Variants in SDK1 observed in about 807,000 individuals in gnomAD.
SDK1 encodes the protein protein sidekick-1.
Under a neutral mutation model 245.5 loss-of-function variants are expected in SDK1, and 157 were observed. The observed-to-expected ratio is 0.64, with a 90% CI of 0.56 to 0.73. The LOEUF (loss-of-function observed/expected upper bound fraction) is 0.73, where lower values mean the gene tolerates loss of function less well. SDK1 is among the 30% of genes least tolerant of loss of function. SDK1 has a pLI of 0.00. For missense variants in SDK1, 3,583 were observed against 3,002.3 expected (o/e 1.19, Z -4.52); for synonymous variants, 1,647 against 1,278.5 (o/e 1.29, Z -6.15).
intron 1 of SDK1, among the ~76,000 whole-genome samples, chr7:3,598,637 C>T (rs1320826874): frequency 6.6e-6 from 1 of 152,182 alleles, no homozygotes; most frequent in Non-Finnish European, 1.5e-5. Flanking sequence ...ATCCCTGGCC[C>T]TGGCAAACCC....
At chr7:3,673,530 G>C (rs992760753) in intron 4 of SDK1, among the ~76,000 whole-genome samples, 7 of 152,152 alleles carry the variant, frequency 4.6e-5, no homozygotes, top group African/African-American at 1.4e-4. Context: ...ACATACCATA[G>C]GCCCCGCCGG....
At chr7:3,639,980 A>G (rs1407714458) in intron 3 of SDK1, among the ~76,000 whole-genome samples, 1 of 151,960 alleles carries the variant, frequency 6.6e-6, no homozygotes, top group Non-Finnish European at 1.5e-5. Flanking sequence ...CCGAGTAGCT[A>G]GGACCACAGG....
intron 1 of SDK1, among the ~76,000 whole-genome samples, chr7:3,397,013 T>G (rs947947430): frequency 2.0e-5 from 3 of 151,850 alleles, no homozygotes; most frequent in African/African-American, 7.2e-5. Flanking sequence ...TTTTAGTATA[T>G]ATTTTGAGTT....
intron 1 of SDK1, among the ~76,000 whole-genome samples, chr7:3,557,335 A>T (rs1217877896): frequency 6.6e-6 from 1 of 152,180 alleles, no homozygotes; most frequent in Non-Finnish European, 1.5e-5. Flanking sequence ...TCCAACTAAG[A>T]AGAAATGAGG....
At chr7:3,441,491 CTA>C (rs1314679374) in intron 1 of SDK1, among the ~76,000 whole-genome samples, 1 of 152,158 alleles carries the variant, frequency 6.6e-6, no homozygotes, top group African/African-American at 2.4e-5. Context: ...ACTGAATTGC[CTA>C]TTCACTTTCT....
intron 5 of SDK1, among the ~76,000 whole-genome samples, chr7:3,841,590 G>A (rs749811397): frequency 1.0e-4 from 15 of 150,132 alleles, no homozygotes; most frequent in Admixed American, 2.0e-4. Flanking sequence ...TTTTTGAGAC[G>A]GAGTTTTGCT....
chr7:3,878,655 C>A (rs760162417), intron 5 of SDK1, among the ~76,000 whole-genome samples: 3 of 152,254 alleles, frequency 2.0e-5, no homozygotes, highest in Non-Finnish European at 4.4e-5. Flanking sequence ...ATAATCCTCT[C>A]TCTTTGTAGA....
intron 1 of SDK1, among the ~76,000 whole-genome samples, chr7:3,614,328 T>A (rs1401578763): frequency 6.6e-6 from 1 of 152,210 alleles, no homozygotes; most frequent in Non-Finnish European, 1.5e-5. Context: ...TCTTCTAATG[T>A]TCGTTGTTAG....
At chr7:3,429,480 T>C (rs1779769850) in intron 1 of SDK1, among the ~76,000 whole-genome samples, 1 of 152,126 alleles carries the variant, frequency 6.6e-6, no homozygotes, top group Non-Finnish European at 1.5e-5. Flanking sequence ...AAGAAGGATA[T>C]TTGGGGAGTG....
rs561627073 is a variant in SDK1 at position 3,576,264 on chromosome 7, C to T, written c.299-42816C>T. 1.4e-4 allele frequency among the ~76,000 whole-genome samples: 21 copies of T among 152,246 alleles called. No individual in the cohort carries two copies. The South Asian group carries it at 2.3e-3, about 17-fold the overall frequency. ...CATCACCCCCAAATAGGCTCCTTGG[C>T]GTCACCGTTGTTTACGGAGTGCTGA... On this transcript the variant is annotated intron_variant, in intron 1 of 44. Transcript: ENST00000404826.
At chr7:3,496,229 A>T (rs1012207875) in intron 1 of SDK1, among the ~76,000 whole-genome samples, 1 of 152,144 alleles carries the variant, frequency 6.6e-6, no homozygotes, top group African/African-American at 2.4e-5. Flanking sequence ...CTGGAGGGTC[A>T]GATAAGTTAG....
Position 4,210,143 on chromosome 7 carries a change from G to A in SDK1, c.5520G>A (p.Glu1840=). 6.3e-7 allele frequency: 1 copy of A among 1,588,752 alleles called. No individual in the cohort carries two copies. The highest frequency in any genetic ancestry group is 8.5e-7 in the Non-Finnish European group (1 of 1,169,720). ...GILQGYRVVY[E]PLAPVQGVSK... ...TGCAGGGCTATCGGGTGGTGTACGA[G>A]CCCTTGGCCCCTGTACAAGGTAAGA... Residue 1840 remains glutamate (E), a synonymous_variant, in exon 38 of 45, where the codon GAG becomes GAA. Coordinates refer to ENST00000404826, the MANE Select transcript of SDK1 (RefSeq NM_152744.4).
chr7:3,553,532 C>T (rs1779483759), intron 1 of SDK1, among the ~76,000 whole-genome samples: 1 of 152,084 alleles, frequency 6.6e-6, no homozygotes. Context: ...GAGAGGCAGA[C>T]CTGGCCTTTC....
At chr7:3,652,474 G>A (rs1783040242) in intron 4 of SDK1, among the ~76,000 whole-genome samples, 1 of 152,238 alleles carries the variant, frequency 6.6e-6, no homozygotes, top group South Asian at 2.1e-4. Flanking sequence ...TAACAGGACG[G>A]AGCCAGAATA....
chr7:3,447,362 A>C (rs1254592117), intron 1 of SDK1, among the ~76,000 whole-genome samples: 1 of 152,126 alleles, frequency 6.6e-6, no homozygotes, highest in Non-Finnish European at 1.5e-5. Context: ...TCTCCAACTG[A>C]TGTTAACATT....
intron 14 of SDK1, among the ~76,000 whole-genome samples, chr7:4,006,092 C>A (rs1350614201): frequency 2.0e-5 from 3 of 152,214 alleles, no homozygotes; most frequent in African/African-American, 7.2e-5. Context: ...AAAATACCTT[C>A]TTTCAAAAAA....
rs1482723026 is a variant in SDK1, at chr7:3,301,817, G to T, written c.231G>T (p.Gly77=). Residue 77 remains glycine (G), a synonymous_variant, in exon 1 of 45, where the codon GGG becomes GGT. Transcript: ENST00000404826. The part of the protein sequence containing the change: ...RCGGRRAAKL[G]PGRRGWWALL... Reference sequence around the variant, plus strand: ...GCGGGCGGCGGGCGGCAAAGTTGGGGCCGGGCCGCCGCGGCTGGTGGGCGC... The same window carrying T: ...GCGGGCGGCGGGCGGCAAAGTTGGGTCCGGGCCGCCGCGGCTGGTGGGCGC... The T allele has an allele frequency of 3.7e-6, 4 of 1,086,242 alleles. No individual in the cohort carries two copies. In the African/African-American group the frequency reaches 5.1e-5, roughly 14 times the overall value. The allele number at this position is 1,086,242 out of a possible 1,614,324, so 67.3% of individuals were successfully genotyped here. A position where few individuals can be genotyped will look rare whatever the true frequency, so the allele number is the denominator to read the frequency against.
At chr7:3,535,483 G>C (rs544428227) in intron 1 of SDK1, among the ~76,000 whole-genome samples, 3 of 152,200 alleles carry the variant, frequency 2.0e-5, no homozygotes, top group African/African-American at 7.2e-5. Flanking sequence ...AAAGAAAGCT[G>C]GCTGGGGACC....
intron 5 of SDK1, among the ~76,000 whole-genome samples, chr7:3,908,623 T>G (rs1305728456): frequency 6.6e-6 from 1 of 152,174 alleles, no homozygotes; most frequent in Non-Finnish European, 1.5e-5. Context: ...CAAGTACTCA[T>G]CTCAACCTCT....
Sources: gnomAD v4.1 joint callset for allele counts (sites outside exome capture counted in the v4.1 genomes callset) on GRCh38, gnomAD v4.1.1 for gene constraint, MANE v1.5 for transcripts, NCBI Gene and HGNC (gene_info 2026-07-23, HGNC 2026-07-21) for gene names.